Variants in MAST3 observed in about 807,000 individuals in gnomAD.
MAST3 encodes the protein microtubule associated serine/threonine kinase 3, also known as microtubule-associated serine/threonine-protein kinase 3.
MAST3 carries 43 observed loss-of-function variants against 127.0 expected under a neutral mutation model. That is an observed-to-expected ratio of 0.34 (90% CI 0.27 to 0.44). The LOEUF (loss-of-function observed/expected upper bound fraction) is 0.44, where lower values mean the gene tolerates loss of function less well. Among genes scored for constraint, MAST3 ranks in the 20% least tolerant of loss-of-function variants. The pLI, the probability that MAST3 is intolerant of heterozygous loss-of-function variation, is 1.00. For missense variants in MAST3, 1,390 were observed against 1,919.1 expected (o/e 0.72, Z 5.15); for synonymous variants, 785 against 809.2 (o/e 0.97, Z 0.51).
rs568628885 is a variant in MAST3 at position 18,120,775 on chromosome 19, G to A, written c.162-910G>A. Among the ~76,000 whole-genome samples the A allele has an allele frequency of 3.9e-5, 6 of 152,116 alleles. No individual in the cohort carries two copies. The South Asian group carries it at 1.0e-3, about 26-fold the overall frequency. On this transcript the variant is annotated intron_variant, in intron 3 of 27. Coordinates refer to ENST00000687212, the MANE Select transcript of MAST3 (RefSeq NM_001393504.1). ...GAGTTTCACTCTTGTTGCCCAGGCT[G>A]GAGTGTAACGGCACGATCTCACCAC...
At chr19:18,108,065 C>A (rs2038206851) in intron 2 of MAST3, among the ~76,000 whole-genome samples, 1 of 152,064 alleles carries the variant, frequency 6.6e-6, no homozygotes, top group Non-Finnish European at 1.5e-5. Context: ...CTGAGGCAGG[C>A]AGATCACTTG....
At chr19:18,131,325 G>A (rs138602176) in intron 14 of MAST3, among the ~76,000 whole-genome samples, 2,840 of 151,938 alleles carry the variant, frequency 0.019, 88 homozygotes, top group Admixed American at 0.073. Flanking sequence ...CTTGCAGTGA[G>A]CCGAGACTGC....
chr19:18,128,239 C>T (rs2040874522), intron 11 of MAST3, among the ~76,000 whole-genome samples, 161 bp from the exon 12 acceptor site: 1 of 152,220 alleles, frequency 6.6e-6, no homozygotes, highest in Admixed American at 6.5e-5. Context: ...TTGCTTCATC[C>T]AGCCTCCCGG....
Position 18,110,046 on chromosome 19 carries a change from C to G in MAST3, c.72-606C>G. On this transcript the variant is annotated intron_variant, in intron 2 of 27. Coordinates refer to ENST00000687212, the MANE Select transcript of MAST3 (RefSeq NM_001393504.1). This position sits in a 1 kb window ranked among gnomAD's most constrained non-coding sequence, Gnocchi z 4.3. ...GCGGCCTCGGCGTCCCTGCGGCAGACAGGGCGGCACCCGCGGCTCCCCTTT... is the reference window on the plus strand; with the variant it reads ...GCGGCCTCGGCGTCCCTGCGGCAGAGAGGGCGGCACCCGCGGCTCCCCTTT... The G allele has an allele frequency of 1.3e-5, 13 of 985,356 alleles. No individual in the cohort carries two copies. Among genetic ancestry groups the G allele is most frequent in the Non-Finnish European group, 1.4e-5 (12 of 829,894 alleles). The allele number at this position is 985,356 out of a possible 1,614,324, so 61.0% of individuals were successfully genotyped here.
intron 3 of MAST3, among the ~76,000 whole-genome samples, chr19:18,120,712 T>TTTTTA (rs2039869201): frequency 6.6e-6 from 1 of 151,782 alleles, no homozygotes; most frequent in African/African-American, 2.4e-5. Context: ...ATTTTTGGTT[T>TTTTTA]TTTTGTTTTG....
chr19:18,134,571 G>A lies in MAST3; in HGVS notation c.1572-8G>A, dbSNP rs774843320. The stretch of plus-strand genomic sequence containing the variant: ...CCAGCTCTGAGCACACTCCTAACCT[G>A]CCCACAGTCTGCTCATCACCTCGCT... On this transcript the variant is annotated splice_polypyrimidine_tract_variant and splice_region_variant and intron_variant, in intron 15 of 27. Coordinates refer to ENST00000687212, the MANE Select transcript of MAST3 (RefSeq NM_001393504.1). 6 of 1,609,098 alleles carry A rather than the reference G, an allele frequency of 3.7e-6. No homozygotes were observed. In the African/African-American group the frequency reaches 8.0e-5, roughly 21 times the overall value.
chr19:18,114,251 G>A (rs946509364), intron 3 of MAST3, among the ~76,000 whole-genome samples: 14 of 150,304 alleles, frequency 9.3e-5, no homozygotes, highest in Admixed American at 6.6e-5. Context: ...ACAGTGGTGC[G>A]ATATCTCGGC....
Position 18,144,639 on chromosome 19 carries a change from G to A in MAST3, c.2758G>A (p.Gly920Ser). ...SSGGSGGGSGGRVPKSASVSA... is the reference protein window; with the variant it reads ...SSGGSGGGSGSRVPKSASVSA... ...CGGTGGCAGTGGTGGCGGCAGTGGG[G>A]GCCGCGTGCCCAAGTCAGCCTCTGT... is the stretch of plus-strand genomic sequence containing the variant. Residue 920 changes from glycine (G) to serine (S), a missense_variant, in exon 23 of 28, where the codon GGC (glycine) becomes AGC (serine). Coordinates refer to ENST00000687212, the MANE Select transcript of MAST3 (RefSeq NM_001393504.1). The surrounding 1 kb of genome is among the most constrained non-coding windows in gnomAD (Gnocchi z 4.0). 6.2e-7 allele frequency: 1 copy of A among 1,611,230 alleles called. No individual in the cohort carries two copies. The highest frequency in any genetic ancestry group is 8.5e-7 in the Non-Finnish European group (1 of 1,179,832).
At chr19:18,101,082 G>A (rs1370878073) in intron 1 of MAST3, among the ~76,000 whole-genome samples, 5 of 152,210 alleles carry the variant, frequency 3.3e-5, no homozygotes, top group Non-Finnish European at 7.3e-5. Context: ...CGCATAACGT[G>A]TGCAGGCACC....
At chr19:18,099,157 G>A (rs2037315357) in intron 1 of MAST3, among the ~76,000 whole-genome samples, 1 of 151,892 alleles carries the variant, frequency 6.6e-6, no homozygotes, top group South Asian at 2.1e-4. Context: ...ACCTGGAGCC[G>A]CACCGGTAGC....
intron 19 of MAST3, among the ~76,000 whole-genome samples, chr19:18,138,293 G>A (rs1957930964): frequency 6.8e-6 from 1 of 147,038 alleles, no homozygotes; most frequent in South Asian, 2.1e-4. Flanking sequence ...TCAGAAATAG[G>A]AATTCCCGCC....
intron 8 of MAST3, 57 bp downstream of exon 8, chr19:18,123,712 C>T: frequency 7.4e-7 from 1 of 1,355,126 alleles, no homozygotes; most frequent in Non-Finnish European, 9.9e-7. Flanking sequence ...ATTGCTGTCC[C>T]TCCATGGAAC....
rs766328354 is a variant in MAST3, at chr19:18,121,723, C to T, written c.200C>T (p.Thr67Met). ...SGNRKSLVVG[T>M]PSPTLSRPLS... ...AACCGCAAGAGCTTGGTGGTAGGAA[C>T]GCCCTCCCCGACCCTCTCCCGGCCC... The change falls in exon 4 of 28, where the codon ACG becomes ATG. Residue 67 changes from threonine to methionine, a missense_variant. Physicochemically the swap from Thr to Met is moderately conservative, Grantham distance 81. This residue lies in a region of MAST3 where 45 missense variants were observed against 113.0 expected (regional missense o/e 0.40). Transcript: ENST00000687212. 1.9e-6 allele frequency: 3 copies of T among 1,613,968 alleles called. No homozygotes were observed. Among genetic ancestry groups the T allele is most frequent in the East Asian group, 2.2e-5 (1 of 44,888 alleles).
Position 18,130,496 on chromosome 19 carries a change from C to T in MAST3, c.1226C>T (p.Ala409Val). The change falls in exon 14 of 28, where the codon GCC becomes GTC. Residue 409 changes from alanine (A) to valine (V), a missense_variant and splice_region_variant. Physicochemically the swap from Ala to Val is moderately conservative, Grantham distance 64. This residue lies in a region of MAST3 where 277 missense variants were observed against 384.8 expected (regional missense o/e 0.72). Coordinates refer to ENST00000687212, the MANE Select transcript of MAST3 (RefSeq NM_001393504.1). ...CAAGCCTGGCCCTCTGTCCCCAGGG[C>T]CGTCTACCTGGTGCGGCACCGTGAC... ...IKLISNGAYG[A>V]VYLVRHRDTR... The T allele has an allele frequency of 6.3e-7, 1 of 1,594,686 alleles. No individual in the cohort carries two copies. Among genetic ancestry groups the T allele is most frequent in the Non-Finnish European group, 8.5e-7 (1 of 1,170,386 alleles).
At position 18,138,995 on chromosome 19, in the gene MAST3, T is replaced by C. The variant is rs780725225; in HGVS notation, c.2096-20T>C. ...ATCTCTGGGCATCAGGCGTGCTGCA[T>C]GTGCCTCTCCCTCCCACAGCACGTT... is the stretch of plus-strand genomic sequence containing the variant. On this transcript the variant is annotated intron_variant, in intron 19 of 27. Coordinates refer to ENST00000687212, the MANE Select transcript of MAST3 (RefSeq NM_001393504.1). 2.6e-6 allele frequency: 4 copies of C among 1,524,978 alleles called. No homozygotes were observed. The highest frequency in any genetic ancestry group is 3.6e-6 in the Non-Finnish European group (4 of 1,116,984). 94.5% of individuals were successfully genotyped at this position (1,524,978 alleles called of 1,614,324 possible).
At chr19:18,128,311 G>A (rs903203067) in intron 11 of MAST3, 89 bp from the exon 12 acceptor site, 4 of 1,042,664 alleles carry the variant, frequency 3.8e-6, no homozygotes, top group East Asian at 2.6e-5. Flanking sequence ...CCCAGCCTGG[G>A]GTGAGAACTC....
intron 19 of MAST3, 58 bp from the exon 20 acceptor site, chr19:18,138,957 C>T (rs1002335807): frequency 1.1e-5 from 13 of 1,194,218 alleles, no homozygotes; most frequent in Middle Eastern, 1.9e-4. Context: ...ATTGCCACAC[C>T]GCCCTTGAGA....
intron 3 of MAST3, among the ~76,000 whole-genome samples, chr19:18,111,552 T>TTTTTTA (rs2038638116): frequency 6.5e-5 from 9 of 137,934 alleles, no homozygotes; most frequent in Non-Finnish European, 8.0e-5. Context: ...TTTTTTTTTT[T>TTTTTTA]GAGGCAGAGT....
intron 3 of MAST3, among the ~76,000 whole-genome samples, chr19:18,111,583 G>C (rs1359012784): frequency 7.3e-6 from 1 of 137,816 alleles, no homozygotes; most frequent in Non-Finnish European, 1.5e-5. Context: ...CCCCTAGGCT[G>C]GAGTGCAGTG....
Sources: gnomAD v4.1 joint callset for allele counts (sites outside exome capture counted in the v4.1 genomes callset) on GRCh38, gnomAD v4.1.1 for gene constraint, gnomAD v4.1.1 regional missense constraint, Gnocchi (gnomAD v3.1) non-coding constraint, MANE v1.5 for transcripts, NCBI Gene and HGNC (gene_info 2026-07-23, HGNC 2026-07-21) for gene names.